TRPC7: variants seen among roughly 807,000 people sequenced by gnomAD.
TRPC7 encodes transient receptor potential cation channel subfamily C member 7, also known as short transient receptor potential channel 7.
A neutral mutation model predicts 90.1 loss-of-function variants in TRPC7; 42 were observed. That is an observed-to-expected ratio of 0.47 (90% CI 0.36 to 0.60). TRPC7 has a LOEUF of 0.60. Among genes scored for constraint, TRPC7 ranks in the 20% least tolerant of loss-of-function variants. TRPC7 has a pLI of 0.00. For synonymous variants in TRPC7, 451 were observed against 436.3 expected (o/e 1.03, Z -0.42); for missense variants, 955 against 1,112.3 (o/e 0.86, Z 2.01).
In TRPC7 at chr5:136,299,400, AAGGAG is replaced by A. The variant is rs551492221; in HGVS notation, c.963+16192_963+16196del. On this transcript the variant is annotated intron_variant, in intron 3 of 11. Coordinates refer to ENST00000513104, the MANE Select transcript of TRPC7 (RefSeq NM_020389.3). ...GTGTGGTGGAGGAGGAGGAGGGGAA[AAGGAG>A]AGGAAAGAGGTAGGTAGACCAGTTA... Among the ~76,000 whole-genome samples the A allele has an allele frequency of 3.4e-3, 502 of 149,032 alleles. 6 individuals carry two copies. Among genetic ancestry groups the A allele is most frequent in the Non-Finnish European group, 3.7e-3 (247 of 67,266 alleles).
At chr5:136,358,559 T>C (rs1435556717) in intron 1 of TRPC7, among the ~76,000 whole-genome samples, 1 of 152,210 alleles carries the variant, frequency 6.6e-6, no homozygotes. Flanking sequence ...TTGCCAGTCT[T>C]GGACAATGTA....
intron 2 of TRPC7, among the ~76,000 whole-genome samples, chr5:136,328,412 G>T (rs944190396): frequency 2.8e-4 from 43 of 152,136 alleles, no homozygotes; most frequent in African/African-American, 9.7e-4. Flanking sequence ...TTTTCCAAAG[G>T]GATCGCTGTG....
chr5:136,342,663 T>C (rs1299238619), intron 2 of TRPC7, among the ~76,000 whole-genome samples: 1 of 152,212 alleles, frequency 6.6e-6, no homozygotes, highest in African/African-American at 2.4e-5. Context: ...TTTGGTTTTA[T>C]TGATGGTGAC....
chr5:136,362,245 G>A (rs1387655779), intron 1 of TRPC7, among the ~76,000 whole-genome samples: 1 of 152,108 alleles, frequency 6.6e-6, no homozygotes, highest in Non-Finnish European at 1.5e-5. Context: ...TTTAATCATA[G>A]TGACTAACAT....
In TRPC7 at chr5:136,282,310, A is replaced by G. The variant is rs372140491; in HGVS notation, c.964-7473T>C. On this transcript the variant is annotated intron_variant, in intron 3 of 11. Transcript: ENST00000513104. ...CAGGCTGATGAAGGAATCAGAGGGA[A>G]CTATCTGTAGCTTACTTAGAACGAT... 1.1e-4 allele frequency among the ~76,000 whole-genome samples: 17 copies of G among 152,322 alleles called. No homozygotes were observed. In the East Asian group the frequency reaches 3.1e-3, roughly 28 times the overall value.
chr5:136,349,485 A>G (rs1760123585), intron 2 of TRPC7, among the ~76,000 whole-genome samples: 1 of 152,198 alleles, frequency 6.6e-6, no homozygotes, highest in Non-Finnish European at 1.5e-5. Flanking sequence ...GTGAAAAATT[A>G]ATAGTGCTTA....
At position 136,357,266 on chromosome 5, in the gene TRPC7, G is replaced by C. The variant is rs1182478627; in HGVS notation, c.122C>G (p.Thr41Arg). Reference sequence around the variant, plus strand: ...GTCCAGGAAGCGCTCCTCCTCGGGCGTCAGACTGGTGCCCTTCTCGTTGAA... The same window carrying C: ...GTCCAGGAAGCGCTCCTCCTCGGGCCTCAGACTGGTGCCCTTCTCGTTGAA... ...YMFNEKGTSL[T>R]PEEERFLDSA... Residue 41 changes from threonine (T) to arginine (R), a missense_variant, in exon 2 of 12, where the codon ACG (threonine) becomes AGG (arginine). Thr to Arg is a moderately conservative substitution (Grantham distance 71). This residue lies in a region of TRPC7 where 161 missense variants were observed against 145.7 expected (regional missense o/e 1.10). Transcript: ENST00000513104. 1.2e-6 allele frequency: 2 copies of C among 1,613,302 alleles called. No homozygotes were observed. Among genetic ancestry groups the C allele is most frequent in the African/African-American group, 2.7e-5 (2 of 74,936 alleles).
chr5:136,306,326 C>T (rs1758627771), intron 3 of TRPC7, among the ~76,000 whole-genome samples: 1 of 152,156 alleles, frequency 6.6e-6, no homozygotes, highest in African/African-American at 2.4e-5. Flanking sequence ...TCCAGGCCAT[C>T]ACCAATAATT....
chr5:136,343,448 C>A (rs1759906690), intron 2 of TRPC7, among the ~76,000 whole-genome samples: 1 of 152,104 alleles, frequency 6.6e-6, no homozygotes, highest in Non-Finnish European at 1.5e-5. Context: ...GATCCTTAAT[C>A]CAAAAGGGTC....
intron 1 of TRPC7, among the ~76,000 whole-genome samples, chr5:136,360,593 ACT>A (rs1446480858): frequency 6.6e-6 from 1 of 152,076 alleles, no homozygotes; most frequent in African/African-American, 2.4e-5. Flanking sequence ...AATAAACAAG[ACT>A]CTTTCGCAGC....
At position 136,356,588 on chromosome 5, in the gene TRPC7, G is replaced by T. The variant is rs886727872; in HGVS notation, c.780+20C>A. ...GCCCCCTGGGCAACCTGCCTGCAGG[G>T]TGCTAAGTGGAAGAGTTACCTTAAA... On this transcript the variant is annotated intron_variant, in intron 2 of 11. Coordinates refer to ENST00000513104, the MANE Select transcript of TRPC7 (RefSeq NM_020389.3). 1 of 1,518,482 alleles carries T rather than the reference G, an allele frequency of 6.6e-7. No individual in the cohort carries two copies. Among genetic ancestry groups the T allele is most frequent in the Non-Finnish European group, 8.8e-7 (1 of 1,132,752 alleles). 94.1% of individuals were successfully genotyped at this position (1,518,482 alleles called of 1,614,324 possible).
intron 3 of TRPC7, among the ~76,000 whole-genome samples, chr5:136,291,513 T>G (rs1019613487): frequency 6.6e-6 from 1 of 152,076 alleles, no homozygotes; most frequent in African/African-American, 2.4e-5. Context: ...TAAAACAGAC[T>G]TTAAACCAAC....
intron 3 of TRPC7, among the ~76,000 whole-genome samples, chr5:136,282,335 T>TC (rs1414028323): frequency 2.6e-5 from 4 of 152,188 alleles, no homozygotes; most frequent in Non-Finnish European, 4.4e-5. Context: ...CTTAGAACGA[T>TC]CCCTTTATGA....
intron 2 of TRPC7, among the ~76,000 whole-genome samples, chr5:136,326,078 A>C (rs767703902): frequency 7.9e-5 from 12 of 152,240 alleles, no homozygotes; most frequent in Non-Finnish European, 1.6e-4. Context: ...GCAGCTGGTA[A>C]GAACTGAAAA....
At chr5:136,220,068 A>G (rs1284202230) in intron 10 of TRPC7, among the ~76,000 whole-genome samples, 1 of 152,226 alleles carries the variant, frequency 6.6e-6, no homozygotes, top group Non-Finnish European at 1.5e-5. Flanking sequence ...TCTTTATTTT[A>G]ATCTCTTAAT....
At chr5:136,299,241 C>T (rs184986070) in intron 3 of TRPC7, among the ~76,000 whole-genome samples, 5 of 150,370 alleles carry the variant, frequency 3.3e-5, no homozygotes, top group East Asian at 2.0e-4. Flanking sequence ...GTGGAGGTTG[C>T]GGTGAGCTGA....
At chr5:136,302,391 C>T (rs947331289) in intron 3 of TRPC7, among the ~76,000 whole-genome samples, 3 of 152,128 alleles carry the variant, frequency 2.0e-5, no homozygotes, top group Non-Finnish European at 4.4e-5. Flanking sequence ...TCAACCCCTT[C>T]TTCACCCTTA....
intron 2 of TRPC7, among the ~76,000 whole-genome samples, chr5:136,349,864 T>C (rs953708754): frequency 2.6e-5 from 4 of 152,102 alleles, no homozygotes; most frequent in African/African-American, 9.6e-5. Context: ...AGTGGTCCCA[T>C]GAGATTATAA....
intron 6 of TRPC7, among the ~76,000 whole-genome samples, chr5:136,249,333 A>G (rs1756447926): frequency 2.0e-5 from 3 of 152,358 alleles, no homozygotes; most frequent in South Asian, 4.1e-4. Context: ...AGTTTCATGG[A>G]GTGATTCTAA....
Sources: gnomAD v4.1 joint callset for allele counts (sites outside exome capture counted in the v4.1 genomes callset) on GRCh38, gnomAD v4.1.1 for gene constraint, gnomAD v4.1.1 regional missense constraint, MANE v1.5 for transcripts, NCBI Gene and HGNC (gene_info 2026-07-23, HGNC 2026-07-21) for gene names.